The following EPG5 variants were observed in gnomAD, a reference collection of about 807,000 sequenced individuals.
EPG5 encodes ectopic P-granules 5 autophagy tethering factor, also known as ectopic P granules protein 5 homolog.
In EPG5, 159 loss-of-function variants were observed where a neutral mutation model predicts 302.7. That is an observed-to-expected ratio of 0.53 (90% CI 0.46 to 0.60). The LOEUF (loss-of-function observed/expected upper bound fraction) is 0.60. Ranked by LOEUF, EPG5 falls within the 20% of genes least tolerant of loss-of-function variation. The pLI, the probability that EPG5 is intolerant of heterozygous loss-of-function variation, is 0.00. For missense variants in EPG5, 2,896 were observed against 3,092.4 expected, an observed-to-expected ratio of 0.94 and a Z score of 1.51; for synonymous variants, 1,158 against 1,136.8, an observed-to-expected ratio of 1.02 and a Z score of -0.37.
the EPG5 span, among the ~76,000 whole-genome samples, chr18:45,825,298 G>A: frequency 1.4e-5 from 2 of 147,930 alleles, no homozygotes; most frequent in South Asian, 4.4e-4. Flanking sequence ...GAGGGAGAAA[G>A]GGAGGAAGAG....
chr18:45,837,862 C>A, the EPG5 span: 4 of 1,534,450 alleles, frequency 2.6e-6, no homozygotes, highest in East Asian at 1.1e-4. Flanking sequence ...ATGACCGCTA[C>A]GAGAGCCGCC....
At chr18:45,845,768 T>A (rs2048358345), downstream of EPG5, among the ~76,000 whole-genome samples, 1 of 152,186 alleles carries the variant, frequency 6.6e-6, no homozygotes, top group South Asian at 2.1e-4. Context: ...CCTGCAGGCT[T>A]TGCTCTGTGG....
chr18:45,833,191 G>A, the EPG5 span, among the ~76,000 whole-genome samples: 7 of 152,240 alleles, frequency 4.6e-5, no homozygotes, highest in East Asian at 7.7e-4. Context: ...AACTACCCAG[G>A]GTTAAGCCTT....
the EPG5 span, among the ~76,000 whole-genome samples, chr18:45,814,999 T>C: frequency 6.6e-5 from 10 of 152,154 alleles, no homozygotes; most frequent in Non-Finnish European, 1.2e-4. Context: ...GTGCTGACCA[T>C]GGCCTCAGAG....
intron 26 of EPG5, among the ~76,000 whole-genome samples, chr18:45,900,640 G>T (rs527285320): frequency 3.0e-4 from 45 of 152,208 alleles, no homozygotes; most frequent in African/African-American, 1.1e-3. Flanking sequence ...GAAGTAGAGA[G>T]TACAGCAATG....
intron 1 of EPG5, among the ~76,000 whole-genome samples, chr18:45,966,727 A>T (rs577743300): frequency 1.6e-4 from 24 of 152,326 alleles, no homozygotes; most frequent in African/African-American, 5.8e-4. Flanking sequence ...GCACAGCACT[A>T]GTCTACTTAT....
rs757874630 is a variant in EPG5, at chr18:45,867,705, G to A, written c.6269C>T (p.Ser2090Phe). The A allele has an allele frequency of 1.2e-6, 2 of 1,610,614 alleles. No homozygotes were observed. Among genetic ancestry groups the A allele is most frequent in the South Asian group, 2.2e-5 (2 of 90,596 alleles). Residue 2090 changes from serine to phenylalanine, a missense_variant, in exon 37 of 44, where the codon TCT (serine) becomes TTT (phenylalanine). Ser to Phe is a radical substitution (Grantham distance 155). Transcript: ENST00000282041. ...AACCCAGTTGACTTCACAGAGTACAGACCCCAAAAATAAGAAACAGCTCTT... is the reference window on the plus strand; with the variant it reads ...AACCCAGTTGACTTCACAGAGTACAAACCCCAAAAATAAGAAACAGCTCTT... The part of the protein sequence containing the change: ...SPKSCFLFLG[S>F]VLCEVNWVSV...
chr18:45,926,579 C>A (rs993510707), intron 13 of EPG5, among the ~76,000 whole-genome samples: 2 of 152,124 alleles, frequency 1.3e-5, no homozygotes, highest in African/African-American at 4.8e-5. Context: ...GTAATCCCAG[C>A]ACTTTGGGGG....
At chr18:45,841,633 C>A in the EPG5 span, among the ~76,000 whole-genome samples, 3 of 152,116 alleles carry the variant, frequency 2.0e-5, no homozygotes, top group South Asian at 4.1e-4. Flanking sequence ...GGGCAGCACA[C>A]AGTGTGAGAG....
At chr18:45,862,319 T>A (rs7228855) in intron 39 of EPG5, among the ~76,000 whole-genome samples, 1 of 152,206 alleles carries the variant, frequency 6.6e-6, no homozygotes, top group East Asian at 1.9e-4. Context: ...TGACTGTAAT[T>A]TTGCCGTCTT....
chr18:45,930,103 C>A (rs1302739728), intron 12 of EPG5, among the ~76,000 whole-genome samples: 2 of 152,120 alleles, frequency 1.3e-5, no homozygotes, highest in Non-Finnish European at 2.9e-5. Flanking sequence ...CTCAGGGGTC[C>A]AAATTTCACT....
chr18:45,953,497 A>G, intron 2 of EPG5: 7 of 985,356 alleles, frequency 7.1e-6, no homozygotes, highest in South Asian at 4.7e-5. Flanking sequence ...GGGGAATGAC[A>G]TGTTTCTCCC....
Position 45,876,255 on chromosome 18 carries a change from T to G in EPG5, c.6030A>C (p.Ser2010=). 1 of 1,613,192 alleles carries G rather than the reference T, an allele frequency of 6.2e-7. No homozygotes were observed. The highest frequency in any genetic ancestry group is 8.5e-7 in the Non-Finnish European group (1 of 1,179,212). Residue 2010 remains serine, a synonymous_variant, in exon 35 of 44, where the codon TCA becomes TCC. Transcript: ENST00000282041. ...TCCTACCTTTAAAACTCTCATGCAG[T>G]GAGTCAATACAGTCAGTGAACAGCT... is the stretch of plus-strand genomic sequence containing the variant. The part of the protein sequence containing the change: ...IVQLFTDCID[S]LHESFKDKLL...
intron 39 of EPG5, among the ~76,000 whole-genome samples, chr18:45,861,350 T>G (rs1400838451): frequency 6.6e-6 from 1 of 152,204 alleles, no homozygotes; most frequent in East Asian, 1.9e-4. Flanking sequence ...TTCAACGGAA[T>G]AGCAATTTAA....
At chr18:45,869,519 CTG>C (rs1356043114) in intron 36 of EPG5, among the ~76,000 whole-genome samples, 1 of 152,216 alleles carries the variant, frequency 6.6e-6, no homozygotes, top group African/African-American at 2.4e-5. Context: ...ACTATCTAAT[CTG>C]TCTTATAGTT....
chr18:45,812,013 A>G, the EPG5 span, among the ~76,000 whole-genome samples: 1 of 152,190 alleles, frequency 6.6e-6, no homozygotes, highest in Non-Finnish European at 1.5e-5. Flanking sequence ...TATATCTAGA[A>G]AACCCCATCG....
chr18:45,896,396 A>T (rs2049475935), intron 27 of EPG5, among the ~76,000 whole-genome samples: 1 of 152,250 alleles, frequency 6.6e-6, no homozygotes, highest in Non-Finnish European at 1.5e-5. Context: ...AACCTGCTTT[A>T]AGAAAACTTA....
intron 11 of EPG5, among the ~76,000 whole-genome samples, chr18:45,934,425 TA>T (rs970764328): frequency 2.0e-5 from 3 of 152,124 alleles, no homozygotes; most frequent in African/African-American, 4.8e-5. Context: ...AATACAACTT[TA>T]AAAAAACAGC....
At chr18:45,862,326 TC>T (rs1236957895) in intron 39 of EPG5, among the ~76,000 whole-genome samples, 8 of 152,236 alleles carry the variant, frequency 5.3e-5, no homozygotes, top group African/African-American at 1.7e-4. Context: ...AATTTTGCCG[TC>T]TTTTTAAATA....
Sources: allele counts gnomAD v4.1 joint callset (sites outside exome capture counted in the v4.1 genomes callset), GRCh38; gene constraint gnomAD v4.1.1; transcripts MANE v1.5; gene names NCBI Gene and HGNC (gene_info 2026-07-23, HGNC 2026-07-21).